The following TSPAN18 variants were observed in gnomAD, a reference collection of about 807,000 sequenced individuals.
TSPAN18 encodes the protein tetraspanin-18.
In TSPAN18, 14 loss-of-function variants were observed where a neutral mutation model predicts 27.3. The observed-to-expected ratio is 0.51, with a 90% CI of 0.34 to 0.80. The LOEUF (loss-of-function observed/expected upper bound fraction) is 0.80, where lower values mean the gene tolerates loss of function less well. Among genes scored for constraint, TSPAN18 ranks in the 30% least tolerant of loss-of-function variants. The pLI, the probability that TSPAN18 is intolerant of heterozygous loss-of-function variation, is 0.01. For missense variants in TSPAN18, 268 were observed against 323.9 expected (o/e 0.83, Z 1.32); for synonymous variants, 143 against 136.5 (o/e 1.05, Z -0.33).
At chr11:44,832,197 G>A (rs575500409) in intron 2 of TSPAN18, among the ~76,000 whole-genome samples, 4 of 152,240 alleles carry the variant, frequency 2.6e-5, no homozygotes, top group South Asian at 2.1e-4. Context: ...GTGGCTGCCC[G>A]TGCTAGGTGG....
At chr11:44,760,518 A>G (rs1041810812) in intron 1 of TSPAN18, among the ~76,000 whole-genome samples, 3 of 152,182 alleles carry the variant, frequency 2.0e-5, no homozygotes, top group Non-Finnish European at 2.9e-5. Context: ...TGTGTGTGCT[A>G]TTGTGTATGT....
At chr11:44,862,699 CA>C (rs1397242287) in intron 3 of TSPAN18, among the ~76,000 whole-genome samples, 1 of 152,224 alleles carries the variant, frequency 6.6e-6, no homozygotes, top group East Asian at 1.9e-4. Context: ...GTCTTGCCCC[CA>C]ACCCCTCGCC....
chr11:44,800,434 T>C (rs957736137), intron 2 of TSPAN18, among the ~76,000 whole-genome samples: 3 of 152,152 alleles, frequency 2.0e-5, no homozygotes, highest in Non-Finnish European at 4.4e-5. Flanking sequence ...CAGGACTAAA[T>C]ACCTGTGCCG....
chr11:44,900,425 C>T lies in TSPAN18; in HGVS notation c.-10-5982C>T, dbSNP rs146870907. On this transcript the variant is annotated intron_variant, in intron 3 of 9. Transcript: ENST00000520358. Reference sequence around the variant, plus strand: ...AGTTGTGGCCCCAGATTAAGACAGGCGTGGGTTCAAATTCTGGCTCAGGCA... The same window carrying T: ...AGTTGTGGCCCCAGATTAAGACAGGTGTGGGTTCAAATTCTGGCTCAGGCA... Among the ~76,000 whole-genome samples, 625 of 152,292 alleles carry T rather than the reference C, an allele frequency of 4.1e-3. 5 individuals are homozygous for T. Among genetic ancestry groups the T allele is most frequent in the African/African-American group, 0.014 (600 of 41,562 alleles).
At chr11:44,771,080 G>A (rs1015685286) in intron 2 of TSPAN18, among the ~76,000 whole-genome samples, 6 of 152,188 alleles carry the variant, frequency 3.9e-5, no homozygotes, top group Admixed American at 3.9e-4. Flanking sequence ...TCAGCTTATA[G>A]AGAGTATTTC....
intron 3 of TSPAN18, among the ~76,000 whole-genome samples, chr11:44,895,421 C>T (rs1175008837): frequency 6.6e-6 from 1 of 150,782 alleles, no homozygotes; most frequent in East Asian, 1.9e-4. Context: ...GGGTGACTTT[C>T]CCAAGGTCTC....
intron 3 of TSPAN18, among the ~76,000 whole-genome samples, chr11:44,872,780 A>T (rs1858230064): frequency 6.6e-6 from 1 of 152,238 alleles, no homozygotes; most frequent in Admixed American, 6.5e-5. Flanking sequence ...TCACACAGCC[A>T]TCAAGTGCCT....
At position 44,926,699 on chromosome 11, in the gene TSPAN18, C is replaced by A. The variant is rs984905088; in HGVS notation, c.641C>A (p.Thr214Asn). 3 of 1,614,050 alleles carry A rather than the reference C, an allele frequency of 1.9e-6. No homozygotes were observed. The highest frequency in any genetic ancestry group is 2.5e-6 in the Non-Finnish European group (3 of 1,180,010). ...KQGCYTVILN[T>N]FETYVYLAGA... ...GGCTGTTACACGGTGATCCTCAACA[C>A]CTTCGAGACCTACGTCTACTTGGCC... Residue 214 changes from threonine to asparagine, a missense_variant, in exon 9 of 10, where the codon ACC (threonine) becomes AAC (asparagine). By Grantham distance (65) the Thr-to-Asn change is moderately conservative (BLOSUM62 0). Coordinates refer to ENST00000520358, the MANE Select transcript of TSPAN18 (RefSeq NM_130783.5).
chr11:44,744,806 A>G, intron 1 of TSPAN18, among the ~76,000 whole-genome samples: 1 of 152,184 alleles, frequency 6.6e-6, no homozygotes, highest in Non-Finnish European at 1.5e-5. Context: ...AGGACTTCCA[A>G]AGAGCAGGGG....
intron 9 of TSPAN18, among the ~76,000 whole-genome samples, chr11:44,927,057 G>A (rs1263622432): frequency 1.3e-5 from 2 of 152,188 alleles, no homozygotes; most frequent in Non-Finnish European, 2.9e-5. Flanking sequence ...CAGCTCCATG[G>A]TCCAGAGAGA....
intron 2 of TSPAN18, among the ~76,000 whole-genome samples, chr11:44,856,821 C>T (rs575315029): frequency 6.6e-6 from 1 of 152,160 alleles, no homozygotes; most frequent in Non-Finnish European, 1.5e-5. Context: ...CTACTTTCAA[C>T]AGCTCTTCCT....
At chr11:44,867,858 G>A (rs926455329) in intron 3 of TSPAN18, among the ~76,000 whole-genome samples, 2 of 152,216 alleles carry the variant, frequency 1.3e-5, no homozygotes, top group Non-Finnish European at 1.5e-5. Flanking sequence ...GTGAGCAGAG[G>A]AAGTAGAGGA....
chr11:44,929,185 T>C lies in TSPAN18; in HGVS notation c.*7T>C. On this transcript the variant is annotated 3_prime_UTR_variant, in exon 10 of 10. Coordinates refer to ENST00000520358, the MANE Select transcript of TSPAN18 (RefSeq NM_130783.5). ...CTTCCGGGGCATCCAGTAGAGGGTATGGCCTGAAGCCTGAAGACTCGCCCC... is the reference window on the plus strand; with the variant it reads ...CTTCCGGGGCATCCAGTAGAGGGTACGGCCTGAAGCCTGAAGACTCGCCCC... 1 of 1,613,608 alleles carries C rather than the reference T, an allele frequency of 6.2e-7. No homozygotes were observed. Among genetic ancestry groups the C allele is most frequent in the Non-Finnish European group, 8.5e-7 (1 of 1,180,026 alleles).
intron 2 of TSPAN18, among the ~76,000 whole-genome samples, chr11:44,845,683 A>G (rs1241054028): frequency 2.6e-5 from 4 of 152,364 alleles, no homozygotes; most frequent in African/African-American, 9.6e-5. Context: ...AGAAGCCTGA[A>G]GCTGGGACTT....
chr11:44,827,934 C>T (rs987990120), intron 2 of TSPAN18, among the ~76,000 whole-genome samples: 4 of 152,140 alleles, frequency 2.6e-5, no homozygotes, highest in Non-Finnish European at 5.9e-5. Flanking sequence ...GAGTCCAGGG[C>T]GCAGGAGTTT....
chr11:44,792,097 T>C (rs1451393955), intron 2 of TSPAN18, among the ~76,000 whole-genome samples: 3 of 152,198 alleles, frequency 2.0e-5, no homozygotes, highest in African/African-American at 7.2e-5. Flanking sequence ...AGTATTTGTT[T>C]GTATGTTATA....
At chr11:44,886,331 A>G (rs921626415) in intron 3 of TSPAN18, 1 of 152,370 alleles carries the variant, frequency 6.6e-6, no homozygotes, top group Non-Finnish European at 1.5e-5. Context: ...TTGATGGGAC[A>G]TTGATGGCAG....
chr11:44,823,031 C>T (rs188150892), intron 2 of TSPAN18, among the ~76,000 whole-genome samples: 142 of 152,272 alleles, frequency 9.3e-4, no homozygotes, highest in Non-Finnish European at 1.7e-3. Flanking sequence ...CTATAGTCAG[C>T]CCCCAGTGAA....
intron 8 of TSPAN18, 36 bp from the exon 9 acceptor site, chr11:44,926,638 C>A (rs749879719): frequency 1.0e-5 from 16 of 1,598,108 alleles, no homozygotes; most frequent in Non-Finnish European, 1.2e-5. Flanking sequence ...ACTCTCAACC[C>A]TGGCCATAGC....
Sources: gnomAD v4.1 joint callset for allele counts (sites outside exome capture counted in the v4.1 genomes callset) on GRCh38, gnomAD v4.1.1 for gene constraint, MANE v1.5 for transcripts, NCBI Gene and HGNC (gene_info 2026-07-23, HGNC 2026-07-21) for gene names.